Variants in KIF20B observed in about 807,000 individuals in gnomAD.
KIF20B encodes the protein kinesin-like protein KIF20B.
A neutral mutation model predicts 232.5 loss-of-function variants in KIF20B; 188 were observed. The observed-to-expected ratio is 0.81, with a 90% CI of 0.72 to 0.91. KIF20B has a LOEUF of 0.91. KIF20B is among the 40% of genes least tolerant of loss of function. The probability of loss-of-function intolerance (pLI) is 0.00; values close to 1 mark genes in which losing one functional copy is unlikely to be tolerated. For synonymous variants in KIF20B, 712 were observed against 683.0 expected (o/e 1.04, Z -0.66); for missense variants, 2,154 against 2,055.9 (o/e 1.05, Z -0.92).
In KIF20B at chr10:89,751,440, T is replaced by C; in HGVS notation, c.4191T>C (p.Ala1397=). The C allele has an allele frequency of 1.2e-6, 2 of 1,609,030 alleles. No homozygotes were observed. The highest frequency in any genetic ancestry group is 1.7e-6 in the Non-Finnish European group (2 of 1,177,908). Residue 1397 remains alanine, a synonymous_variant, in exon 24 of 33, where the codon GCT becomes GCC. Transcript: ENST00000371728. ...TAGAACAGGATCAAGTGCTTGAGGC[T>C]AAATTAGAGGAAGTTGAAAGGCTGG... ...TQVEQDQVLE[A]KLEEVERLAT...
chr10:89,707,361 T>A (rs1002722812), intron 2 of KIF20B, among the ~76,000 whole-genome samples: 44 of 152,152 alleles, frequency 2.9e-4, no homozygotes, highest in African/African-American at 9.9e-4. Context: ...AACCTCTGAT[T>A]AGCATTTTGT....
Position 89,774,190 on chromosome 10 carries a change from TTCAA to T in KIF20B, c.*144_*147del. ...TGTTTTATACATAGTATAATTTTAA[TTCAA>T]TAAATGAGTCAAAATTTGTATATTT... On this transcript the variant is annotated 3_prime_UTR_variant, in exon 33 of 33. Transcript: ENST00000371728. The T allele has an allele frequency of 2.4e-6, 1 of 422,324 alleles. No homozygotes were observed. 26.2% of individuals were successfully genotyped at this position (422,324 alleles called of 1,614,324 possible).
chr10:89,716,775 C>T (rs1425518775), intron 9 of KIF20B, among the ~76,000 whole-genome samples: 2 of 152,116 alleles, frequency 1.3e-5, no homozygotes, highest in East Asian at 1.9e-4. Context: ...GGTATTTTTA[C>T]TCTTTCTTTA....
At chr10:89,742,699 CT>C (rs34668146) in intron 21 of KIF20B, among the ~76,000 whole-genome samples, 171 of 118,244 alleles carry the variant, frequency 1.4e-3, no homozygotes, top group East Asian at 8.0e-3. Flanking sequence ...ATCTTCAAGC[CT>C]TTTTTTTTTT....
intron 8 of KIF20B, 138 bp downstream of exon 8, chr10:89,715,320 G>T: frequency 1.6e-6 from 1 of 636,322 alleles, no homozygotes; most frequent in Non-Finnish European, 2.7e-6. Context: ...ATAATTTTGT[G>T]CTTTGGAAGT....
At chr10:89,760,184 C>T (rs969522177) in intron 27 of KIF20B, among the ~76,000 whole-genome samples, 1 of 152,074 alleles carries the variant, frequency 6.6e-6, no homozygotes, top group African/African-American at 2.4e-5. Context: ...TCTCTATTTC[C>T]TCATCTGGAA....
intron 18 of KIF20B, among the ~76,000 whole-genome samples, chr10:89,729,976 T>G (rs934217648): frequency 5.9e-5 from 9 of 152,186 alleles, no homozygotes; most frequent in African/African-American, 1.9e-4. Context: ...TTTTTATGTC[T>G]TTTCTATGAC....
At chr10:89,710,628 T>C (rs1403703265) in intron 5 of KIF20B, among the ~76,000 whole-genome samples, 1 of 152,192 alleles carries the variant, frequency 6.6e-6, no homozygotes, top group Non-Finnish European at 1.5e-5. Context: ...GAAAAAGTAT[T>C]GATGTGATAC....
intron 2 of KIF20B, among the ~76,000 whole-genome samples, chr10:89,708,214 AT>A (rs35028648): frequency 0.46 from 66,113 of 143,822 alleles, 14,730 homozygotes; most frequent in East Asian, 0.6. Context: ...TACAATTTGT[AT>A]TTTTTTTTTT....
intron 23 of KIF20B, among the ~76,000 whole-genome samples, chr10:89,749,361 A>G (rs963783112): frequency 1.3e-5 from 2 of 152,184 alleles, no homozygotes; most frequent in African/African-American, 2.4e-5. Flanking sequence ...ATATTGAATT[A>G]TTAAACAATG....
In KIF20B at chr10:89,758,753, G is replaced by C; in HGVS notation, c.4551G>C (p.Lys1517Asn). 1 of 1,607,398 alleles carries C rather than the reference G, an allele frequency of 6.2e-7. No individual in the cohort carries two copies. Among genetic ancestry groups the C allele is most frequent in the Non-Finnish European group, 8.5e-7 (1 of 1,176,990 alleles). Residue 1517 changes from lysine (K) to asparagine (N), a missense_variant, in exon 27 of 33, where the codon AAG becomes AAC. Physicochemically the swap from Lys to Asn is moderately conservative, Grantham distance 94. Transcript: ENST00000371728. ...CAGAGAAAGATAGTGACCTTCAAAA[G>C]TGGCGAGAAGAACGAGATCAACTGG... is the stretch of plus-strand genomic sequence containing the variant. ...QLTEKDSDLQ[K>N]WREERDQLVA...
Position 89,762,657 on chromosome 10 carries a change from A to T in KIF20B, c.4811A>T (p.Asp1604Val), listed in dbSNP as rs764084518. The change falls in exon 29 of 33, where the codon GAC becomes GTC. Residue 1604 changes from aspartate to valine, a missense_variant. Coordinates refer to ENST00000371728, the MANE Select transcript of KIF20B (RefSeq NM_001284259.2). Reference protein sequence around the residue: ...NKIEDGSVVLDSCEVSTENDQ... With the variant: ...NKIEDGSVVLVSCEVSTENDQ... ...TTGTAGGATGGATCTGTAGTCCTTG[A>T]CTCTTGTGAAGTGTCAACAGAAAAT... 5.8e-5 allele frequency: 93 copies of T among 1,612,874 alleles called. No individual in the cohort carries two copies. Among genetic ancestry groups the T allele is most frequent in the Non-Finnish European group, 7.5e-5 (88 of 1,179,294 alleles).
At position 89,732,954 on chromosome 10, in the gene KIF20B, G is replaced by T. The variant is rs1179678295; in HGVS notation, c.2443G>T (p.Glu815Ter). 1 of 1,610,114 alleles carries T rather than the reference G, an allele frequency of 6.2e-7. No homozygotes were observed. The highest frequency in any genetic ancestry group is 2.2e-5 in the East Asian group (1 of 44,790). The change falls in exon 19 of 33, where the codon GAA becomes TAA. Residue 815 changes from glutamate to a stop codon, truncating the protein, a stop_gained. Transcript: ENST00000371728. LOFTEE classifies it high-confidence loss of function. ...LIINNKLICN[E>*]TVEVPKDSKS... is the part of the protein sequence containing the mutation. ...AATAAACAATAAATTGATTTGTAAT[G>T]AAACAGTTGAAGTACCTAAGGACAG...
At chr10:89,720,107 T>A (rs1843021052) in intron 13 of KIF20B, among the ~76,000 whole-genome samples, 2 of 152,212 alleles carry the variant, frequency 1.3e-5, no homozygotes, top group Non-Finnish European at 2.9e-5. Context: ...GTATACTGTT[T>A]GTATTGAGAG....
At position 89,737,567 on chromosome 10, in the gene KIF20B, A is replaced by T. The variant is rs766148294; in HGVS notation, c.2726A>T (p.Asn909Ile). The T allele has an allele frequency of 1.2e-6, 2 of 1,607,192 alleles. No individual in the cohort carries two copies. The highest frequency in any genetic ancestry group is 1.7e-6 in the Non-Finnish European group (2 of 1,177,402). ...KNEKEEKAELNKQIVHFQQEL... is the reference protein window; with the variant it reads ...KNEKEEKAELIKQIVHFQQEL... Reference sequence around the variant, plus strand: ...GAAAAGGAAGAAAAAGCAGAATTAAATAAACAGATTGTTCATTTTCAGCAG... The same window carrying T: ...GAAAAGGAAGAAAAAGCAGAATTAATTAAACAGATTGTTCATTTTCAGCAG... Residue 909 changes from asparagine (N) to isoleucine (I), a missense_variant, in exon 20 of 33, where the codon AAT (asparagine) becomes ATT (isoleucine). Physicochemically the swap from Asn to Ile is moderately radical, Grantham distance 149. Coordinates refer to ENST00000371728, the MANE Select transcript of KIF20B (RefSeq NM_001284259.2).
intron 7 of KIF20B, 35 bp downstream of exon 7, chr10:89,714,118 C>T (rs756370419): frequency 7.5e-6 from 9 of 1,207,132 alleles, no homozygotes; most frequent in Admixed American, 2.5e-5. Context: ...TTTGATGTAT[C>T]GATTATATGA....
rs758962805 is a variant in KIF20B, at chr10:89,709,381, C to T, written c.271C>T (p.Leu91=). 6.2e-7 allele frequency: 1 copy of T among 1,613,394 alleles called. No individual in the cohort carries two copies. Among genetic ancestry groups the T allele is most frequent in the Non-Finnish European group, 8.5e-7 (1 of 1,179,618 alleles). Residue 91 remains leucine (L), a synonymous_variant, in exon 4 of 33, where the codon CTG becomes TTG. Coordinates refer to ENST00000371728, the MANE Select transcript of KIF20B (RefSeq NM_001284259.2). ...TATTCTGGATTCACAGACTGTTGTG[C>T]TGAAAGAGCCTCAATGCATCCTTGG... ...VHILDSQTVV[L]KEPQCILGRL...
At chr10:89,750,418 T>G (rs969958751) in intron 23 of KIF20B, among the ~76,000 whole-genome samples, 24 of 152,296 alleles carry the variant, frequency 1.6e-4, no homozygotes, top group African/African-American at 2.4e-4. Context: ...CTAGCACACC[T>G]GAAAGCCTGC....
At chr10:89,768,979 G>C in intron 31 of KIF20B, 91 bp downstream of exon 31, 1 of 1,063,630 alleles carries the variant, frequency 9.4e-7, no homozygotes, top group Non-Finnish European at 1.4e-6. Flanking sequence ...CAGCTGTTCA[G>C]GGAATATTAT....
Sources: allele counts gnomAD v4.1 joint callset (sites outside exome capture counted in the v4.1 genomes callset), GRCh38; gene constraint gnomAD v4.1.1; transcripts MANE v1.5; gene names NCBI Gene and HGNC (gene_info 2026-07-23, HGNC 2026-07-21).